FUT8: variants seen among roughly 807,000 people sequenced by gnomAD.
FUT8 encodes the protein alpha-(1,6)-fucosyltransferase.
A neutral mutation model predicts 71.3 loss-of-function variants in FUT8; 29 were observed. The ratio of observed to expected loss-of-function variants is 0.41; its 90% CI spans 0.30 to 0.55. The LOEUF (loss-of-function observed/expected upper bound fraction) is 0.55, where lower values mean the gene tolerates loss of function less well. Ranked by LOEUF, FUT8 falls within the 20% of genes least tolerant of loss-of-function variation. The pLI is 0.34. For missense variants in FUT8, 544 were observed against 702.1 expected, an observed-to-expected ratio of 0.77 and a Z score of 2.55; for synonymous variants, 254 against 239.3, an observed-to-expected ratio of 1.06 and a Z score of -0.57.
intron 1 of FUT8, among the ~76,000 whole-genome samples, chr14:65,437,520 T>C (rs952359180): frequency 6.6e-6 from 1 of 152,178 alleles, no homozygotes; most frequent in African/African-American, 2.4e-5. Flanking sequence ...GTCATGCTTG[T>C]GTTAAAGAAA....
intron 1 of FUT8, among the ~76,000 whole-genome samples, chr14:65,429,934 C>G (rs189955706): frequency 6.8e-6 from 1 of 147,542 alleles, no homozygotes; most frequent in Admixed American, 6.7e-5. Context: ...AATCCCAAAG[C>G]TTTTTATGAA....
At chr14:65,444,879 G>A (rs1366609503) in intron 1 of FUT8, among the ~76,000 whole-genome samples, 2 of 152,084 alleles carry the variant, frequency 1.3e-5, no homozygotes, top group East Asian at 3.9e-4. Context: ...GTTCATATGG[G>A]GGAGCCCTCA....
In FUT8 at chr14:65,476,497, T is replaced by G. The variant is rs564086283; in HGVS notation, c.-228+20779T>G. ...TGAAACTCAATTTTGCTTAGTGTGT[T>G]AAGTACAACTGAAGTAGGTGTAAAA... On this transcript the variant is annotated intron_variant, in intron 2 of 10. Coordinates refer to ENST00000673929, the MANE Select transcript of FUT8 (RefSeq NM_001371533.1). Among the ~76,000 whole-genome samples the G allele has an allele frequency of 2.0e-5, 3 of 152,294 alleles. No homozygotes were observed. The South Asian group carries it at 6.2e-4, about 32-fold the overall frequency.
intron 2 of FUT8, among the ~76,000 whole-genome samples, chr14:65,536,506 T>G (rs1171507424): frequency 6.6e-6 from 1 of 152,192 alleles, no homozygotes; most frequent in African/African-American, 2.4e-5. Flanking sequence ...TCTCCTTCAC[T>G]TATGAAGTTT....
chr14:65,434,101 A>C (rs781517326), intron 1 of FUT8, among the ~76,000 whole-genome samples: 1 of 152,246 alleles, frequency 6.6e-6, no homozygotes, highest in African/African-American at 2.4e-5. Context: ...GTTTCCTTAG[A>C]GAAGCCAAAT....
chr14:65,533,972 A>C (rs942816585), intron 2 of FUT8, among the ~76,000 whole-genome samples: 4 of 152,214 alleles, frequency 2.6e-5, no homozygotes, highest in African/African-American at 9.6e-5. Flanking sequence ...CCCAGGGATA[A>C]GCCCTACTTG....
intron 1 of FUT8, among the ~76,000 whole-genome samples, chr14:65,443,737 A>T (rs536912633): frequency 6.6e-6 from 1 of 150,792 alleles, no homozygotes; most frequent in South Asian, 2.1e-4. Context: ...AAAAAAAGAC[A>T]CCCCAAAAAG....
Position 65,669,394 on chromosome 14 carries a change from A to C in FUT8, c.749A>C (p.Tyr250Ser). 6.2e-7 allele frequency: 1 copy of C among 1,613,776 alleles called. No homozygotes were observed. Among genetic ancestry groups the C allele is most frequent in the Non-Finnish European group, 8.5e-7 (1 of 1,179,832 alleles). ...TLILESQNWR[Y>S]ATGGWETVFR... ...ATCTTGGAATCTCAGAATTGGCGCTATGCTACTGGTGGATGGGAGACTGTA... is the reference window on the plus strand; with the variant it reads ...ATCTTGGAATCTCAGAATTGGCGCTCTGCTACTGGTGGATGGGAGACTGTA... The change falls in exon 7 of 11, where the codon TAT (tyrosine) becomes TCT (serine). Residue 250 changes from tyrosine (Y) to serine (S), a missense_variant. Transcript: ENST00000673929. This position sits in a 1 kb window ranked among gnomAD's most constrained non-coding sequence, Gnocchi z 4.5.
chr14:65,712,183 G>T (rs181648012), intron 7 of FUT8, among the ~76,000 whole-genome samples: 1 of 152,094 alleles, frequency 6.6e-6, no homozygotes, highest in Non-Finnish European at 1.5e-5. Context: ...GTATCTTTGG[G>T]TCTCGTAGTT....
chr14:65,512,831 C>T (rs1442463347), intron 2 of FUT8, among the ~76,000 whole-genome samples: 1 of 148,450 alleles, frequency 6.7e-6, no homozygotes, highest in Non-Finnish European at 1.5e-5. Flanking sequence ...TTGCTTGAAC[C>T]TGTGAGGCGG....
chr14:65,607,182 G>A lies in FUT8; in HGVS notation c.204-8796G>A, dbSNP rs1323404757. Among the ~76,000 whole-genome samples the A allele has an allele frequency of 6.6e-6, 1 of 151,786 alleles. No homozygotes were observed. The highest frequency in any genetic ancestry group is 1.5e-5 in the Non-Finnish European group (1 of 67,862). ...GTTTCTTCATTTTCTACACTTGTAA[G>A]TCTTACTTCTTTATCTTATTACCTC... On this transcript the variant is annotated intron_variant, in intron 3 of 10. Transcript: ENST00000673929. This position sits in a 1 kb window ranked among gnomAD's most constrained non-coding sequence, Gnocchi z 4.1.
At position 65,534,307 on chromosome 14, in the gene FUT8, T is replaced by TTTTTA. The variant is rs1320148928; in HGVS notation, c.-227-27015_-227-27011dup. Among the ~76,000 whole-genome samples, 3 of 147,838 alleles carry TTTTTA rather than the reference T, an allele frequency of 2.0e-5. No individual in the cohort carries two copies. The East Asian group carries it at 5.8e-4, about 29-fold the overall frequency. On this transcript the variant is annotated intron_variant, in intron 2 of 10. Coordinates refer to ENST00000673929, the MANE Select transcript of FUT8 (RefSeq NM_001371533.1). ...CTGGCTAATTTTTATTTTATTTTAT[T>TTTTTA]TTTTATTTTATTTTATTTTTAGAGA...
rs781409885 is a variant in FUT8 at position 65,606,733 on chromosome 14, A to AT, written c.204-9237dup. On this transcript the variant is annotated intron_variant, in intron 3 of 10. Transcript: ENST00000673929. ...TTGTTTTCTGATGGGGGGAAATCCTATTTTTTTTCTTATTTTGCAAAATGA... is the reference window on the plus strand; with the variant it reads ...TTGTTTTCTGATGGGGGGAAATCCTATTTTTTTTTCTTATTTTGCAAAATGA... Among the ~76,000 whole-genome samples the AT allele has an allele frequency of 1.3e-3, 200 of 151,316 alleles. 1 individual carries two copies. The highest frequency in any genetic ancestry group is 2.1e-3 in the Non-Finnish European group (142 of 67,698).
At chr14:65,665,152 T>C (rs1392286725) in intron 6 of FUT8, among the ~76,000 whole-genome samples, 1 of 152,150 alleles carries the variant, frequency 6.6e-6, no homozygotes, top group East Asian at 1.9e-4. Context: ...TATTTTGTAA[T>C]TGTTGAATTC....
At chr14:65,563,455 A>T (rs1239485006) in intron 3 of FUT8, among the ~76,000 whole-genome samples, 1 of 151,996 alleles carries the variant, frequency 6.6e-6, no homozygotes, top group Non-Finnish European at 1.5e-5. Flanking sequence ...CCTACTTTGA[A>T]TCCCAGTAGT....
chr14:65,440,112 C>A (rs1418751733), intron 1 of FUT8, among the ~76,000 whole-genome samples: 1 of 151,080 alleles, frequency 6.6e-6, no homozygotes, highest in African/African-American at 2.4e-5. Context: ...CACAGAAAGA[C>A]AAATACTGCG....
At chr14:65,722,117 T>G in intron 8 of FUT8, 96 bp downstream of exon 8, 1 of 1,419,678 alleles carries the variant, frequency 7.0e-7, no homozygotes, top group Non-Finnish European at 9.5e-7. Flanking sequence ...TGTAGTTCAA[T>G]TTTTATAGTC....
chr14:65,406,599 A>G (rs190609089), upstream of FUT8, among the ~76,000 whole-genome samples: 25 of 152,180 alleles, frequency 1.6e-4, no homozygotes, highest in Admixed American at 1.2e-3. Flanking sequence ...GCAGTAGCAT[A>G]ATCTCGGCTC....
At chr14:65,738,423 A>AT (rs893856050) in intron 10 of FUT8, among the ~76,000 whole-genome samples, 54 of 151,944 alleles carry the variant, frequency 3.6e-4, no homozygotes, top group Non-Finnish European at 6.5e-4. Flanking sequence ...CCTTTTTAAA[A>AT]TTTTTTTTAA....
Sources: allele counts gnomAD v4.1 joint callset (sites outside exome capture counted in the v4.1 genomes callset), GRCh38; gene constraint gnomAD v4.1.1; non-coding constraint Gnocchi (gnomAD v3.1); transcripts MANE v1.5; gene names NCBI Gene and HGNC (gene_info 2026-07-23, HGNC 2026-07-21).